GSN: variants seen among roughly 807,000 people sequenced by gnomAD.
GSN encodes actin-depolymerizing factor.
Under a neutral mutation model 85.7 loss-of-function variants are expected in GSN, and 56 were observed. The ratio of observed to expected loss-of-function variants is 0.65; its 90% CI spans 0.53 to 0.82. The LOEUF (loss-of-function observed/expected upper bound fraction) is 0.82. Ranked by LOEUF, GSN falls within the 40% of genes least tolerant of loss-of-function variation. The pLI is 0.00. For synonymous variants in GSN, 373 were observed against 399.1 expected (o/e 0.93, Z 0.78); for missense variants, 857 against 979.8 (o/e 0.87, Z 1.67).
At chr9:121,283,400 T>C (rs1282071416) in intron 2 of GSN, 1 of 154,126 alleles carries the variant, frequency 6.5e-6, no homozygotes. Flanking sequence ...CAGGTACAAG[T>C]GATTCTCCTG....
chr9:121,266,976 C>A (rs560845427), upstream of GSN, among the ~76,000 whole-genome samples: 1 of 152,298 alleles, frequency 6.6e-6, no homozygotes, highest in East Asian at 1.9e-4. Flanking sequence ...TAAACAACAG[C>A]CTTTTCTGCT....
chr9:121,225,573 G>A (rs1190035613), intron 4 of GSN, among the ~76,000 whole-genome samples: 3 of 152,182 alleles, frequency 2.0e-5, no homozygotes, highest in Admixed American at 1.3e-4. Flanking sequence ...GGAGTTGTCC[G>A]TTAATCACTT....
Position 121,326,588 on chromosome 9 carries a change from G to A in GSN, c.1493G>A (p.Gly498Asp). ...FGGKPMIIYKGGTSREGGQTA... is the reference protein window; with the variant it reads ...FGGKPMIIYKDGTSREGGQTA... The stretch of plus-strand genomic sequence containing the variant: ...GGGAAGCCCATGATCATCTACAAGG[G>A]CGGCACCTCCCGCGAGGGCGGGCAG... Residue 498 changes from glycine (G) to aspartate (D), a missense_variant, in exon 13 of 18, where the codon GGC (glycine) becomes GAC (aspartate). Physicochemically the swap from Gly to Asp is moderately conservative, Grantham distance 94. Transcript: ENST00000432226. The A allele has an allele frequency of 6.2e-7, 1 of 1,613,486 alleles. No individual in the cohort carries two copies.
intron 4 of GSN, among the ~76,000 whole-genome samples, chr9:121,230,435 A>G (rs943881529): frequency 1.3e-5 from 2 of 152,228 alleles, no homozygotes; most frequent in Non-Finnish European, 2.9e-5. Context: ...AGCTTGCCTA[A>G]TAAGATGGAG....
chr9:121,228,595 G>A (rs933768446), intron 4 of GSN, among the ~76,000 whole-genome samples: 9 of 151,106 alleles, frequency 6.0e-5, no homozygotes, highest in African/African-American at 1.2e-4. Context: ...CACCATACCC[G>A]GATAATTTTT....
At chr9:121,273,470 C>T (rs1157010877) in intron 1 of GSN, among the ~76,000 whole-genome samples, 2 of 151,860 alleles carry the variant, frequency 1.3e-5, no homozygotes, top group Non-Finnish European at 2.9e-5. Flanking sequence ...GGACCTTTTC[C>T]CCCCACCCTT....
intron 3 of GSN, 32 bp downstream of exon 3, chr9:121,302,199 G>A (rs1331141429): frequency 6.2e-7 from 1 of 1,611,516 alleles, no homozygotes. Context: ...CCCTGCCCCA[G>A]CCCCCATTCT....
chr9:121,317,021 G>T, intron 7 of GSN, 65 bp from the exon 8 acceptor site: 1 of 1,608,966 alleles, frequency 6.2e-7, no homozygotes, highest in South Asian at 1.1e-5. Flanking sequence ...GCAAGATGGT[G>T]GAAGTCTCAG....
chr9:121,233,800 A>C (rs189750247), intron 5 of GSN, among the ~76,000 whole-genome samples: 1 of 152,338 alleles, frequency 6.6e-6, no homozygotes, highest in East Asian at 1.9e-4. Flanking sequence ...GTCTCAGGAC[A>C]GGAAGTCTAA....
intron 1 of GSN, chr9:121,279,731 G>A (rs1358598963): frequency 6.6e-6 from 1 of 152,326 alleles, no homozygotes; most frequent in African/African-American, 2.4e-5. Context: ...ATCTGAGGAT[G>A]AGAGTGCAAT....
rs763678057 is a variant in GSN at position 121,299,955 on chromosome 9, CG to C, written c.-9-2002del. The C allele has an allele frequency of 1.6e-6, 2 of 1,273,364 alleles. No individual in the cohort carries two copies. The highest frequency in any genetic ancestry group is 4.2e-5 in the Admixed American group (1 of 23,706). 78.9% of individuals were successfully genotyped at this position (1,273,364 alleles called of 1,614,324 possible). A position where few individuals can be genotyped will look rare whatever the true frequency, so the allele number is the denominator to read the frequency against. The stretch of plus-strand genomic sequence containing the variant: ...GCCCGTCCGCGCGGCCACTGCGTCG[CG>C]GGGGGCGTCCCAGGCGGGGGCGCCC... On this transcript the variant is annotated intron_variant, in intron 2 of 17. Coordinates refer to ENST00000432226, the MANE Select transcript of GSN (RefSeq NM_198252.3). The surrounding 1 kb of genome is among the most constrained non-coding windows in gnomAD (Gnocchi z 4.2).
At chr9:121,290,626 C>T (rs1166035417) in intron 2 of GSN, among the ~76,000 whole-genome samples, 2 of 152,090 alleles carry the variant, frequency 1.3e-5, no homozygotes, top group Admixed American at 1.3e-4. Context: ...AAAAAGGTTA[C>T]TATAGTGCAG....
chr9:121,246,110 A>T (rs2054693978), intron 5 of GSN, among the ~76,000 whole-genome samples: 1 of 152,256 alleles, frequency 6.6e-6, no homozygotes, highest in Admixed American at 6.5e-5. Flanking sequence ...CCTCAAAATT[A>T]TCTGAGGGCA....
chr9:121,205,775 A>G (rs368053841), upstream of GSN, among the ~76,000 whole-genome samples: 3 of 152,118 alleles, frequency 2.0e-5, no homozygotes, highest in African/African-American at 7.2e-5. Flanking sequence ...TTCTGCTTGT[A>G]TTTTTATAAA....
intron 6 of GSN, among the ~76,000 whole-genome samples, chr9:121,251,217 C>T (rs1209185483): frequency 2.8e-5 from 1 of 35,964 alleles, no homozygotes; most frequent in Non-Finnish European, 4.4e-5. Context: ...GATTCTCACT[C>T]TTCACCCAGG....
At position 121,318,365 on chromosome 9, in the gene GSN, C is replaced by G; in HGVS notation, c.887-41C>G. The G allele has an allele frequency of 2.7e-6, 4 of 1,487,740 alleles. No individual in the cohort carries two copies. Among genetic ancestry groups the G allele is most frequent in the Non-Finnish European group, 3.8e-6 (4 of 1,064,784 alleles). 92.2% of individuals were successfully genotyped at this position (1,487,740 alleles called of 1,614,324 possible). A position where few individuals can be genotyped will look rare whatever the true frequency, so the allele number is the denominator to read the frequency against. On this transcript the variant is annotated intron_variant, in intron 8 of 17. Transcript: ENST00000432226. The surrounding 1 kb of genome is among the most constrained non-coding windows in gnomAD (Gnocchi z 4.3). The stretch of plus-strand genomic sequence containing the variant: ...TAAAGGTCAGGATGCAGCAGGATCC[C>G]GGGCCTCTAACCCTCCATCACTTCC...
At chr9:121,301,913 C>T (rs770527470) in intron 2 of GSN, 50 bp from the exon 3 acceptor site, 2 of 1,613,058 alleles carry the variant, frequency 1.2e-6, no homozygotes, top group South Asian at 2.2e-5. Context: ...CCTGGGGTCT[C>T]TCCCTGCCAG....
chr9:121,265,578 G>A (rs2055181339), upstream of GSN: 1 of 152,336 alleles, frequency 6.6e-6, no homozygotes, highest in Admixed American at 6.5e-5. Context: ...CCCTTGGGTG[G>A]GAAGAGGCGT....
chr9:121,256,787 G>A (rs1314187211), intron 6 of GSN, among the ~76,000 whole-genome samples: 7 of 152,142 alleles, frequency 4.6e-5, no homozygotes, highest in African/African-American at 1.7e-4. Flanking sequence ...TACTCAGGAG[G>A]CTGAGACAGG....
Sources: allele counts gnomAD v4.1 joint callset (sites outside exome capture counted in the v4.1 genomes callset), GRCh38; gene constraint gnomAD v4.1.1; non-coding constraint Gnocchi (gnomAD v3.1); transcripts MANE v1.5; gene names NCBI Gene and HGNC (gene_info 2026-07-23, HGNC 2026-07-21).